GNAT3: variants seen among roughly 807,000 people sequenced by gnomAD.
GNAT3 encodes the protein G protein subunit alpha transducin 3, also known as guanine nucleotide-binding protein G(t) subunit alpha-3.
In GNAT3, 31 loss-of-function variants were observed where a neutral mutation model predicts 37.7. The ratio of observed to expected loss-of-function variants is 0.82; its 90% CI spans 0.62 to 1.11. GNAT3 has a LOEUF of 1.11. GNAT3 is among the 50% of genes most tolerant of loss of function. The pLI, the probability that GNAT3 is intolerant of heterozygous loss-of-function variation, is 0.00. For missense variants in GNAT3, 437 were observed against 412.5 expected, an observed-to-expected ratio of 1.06 and a Z score of -0.51; for synonymous variants, 138 against 139.8, an observed-to-expected ratio of 0.99 and a Z score of 0.09.
intron 1 of GNAT3, among the ~76,000 whole-genome samples, chr7:80,496,951 T>G (rs899533316): frequency 1.3e-5 from 2 of 151,416 alleles, no homozygotes; most frequent in East Asian, 3.9e-4. Flanking sequence ...GAAATAAGAG[T>G]GGTAAAGCTA....
chr7:80,507,956 T>G (rs1363305912), intron 1 of GNAT3, among the ~76,000 whole-genome samples: 2 of 151,880 alleles, frequency 1.3e-5, no homozygotes, highest in Non-Finnish European at 1.5e-5. Context: ...AAAAGCCAGA[T>G]AAGTGGAATA....
At chr7:80,462,041 A>T (rs982896950) in intron 7 of GNAT3, 118 bp downstream of exon 7, 1 of 683,610 alleles carries the variant, frequency 1.5e-6, no homozygotes, top group Non-Finnish European at 2.4e-6. Context: ...GATCATAAAG[A>T]TAACTCAAAA....
intron 2 of GNAT3, among the ~76,000 whole-genome samples, chr7:80,490,583 G>C (rs952589064): frequency 6.6e-6 from 1 of 152,116 alleles, no homozygotes; most frequent in Non-Finnish European, 1.5e-5. Context: ...AAAGGAGAGA[G>C]AATCATTGTA....
intron 7 of GNAT3, 52 bp from the exon 8 acceptor site, chr7:80,458,913 A>G: frequency 1.7e-6 from 2 of 1,199,806 alleles, no homozygotes; most frequent in Non-Finnish European, 2.3e-6. Flanking sequence ...TGTTACAAAG[A>G]ATAGGCTATA....
chr7:80,473,847 T>A (rs921625902), intron 5 of GNAT3, among the ~76,000 whole-genome samples: 1 of 152,204 alleles, frequency 6.6e-6, no homozygotes, highest in Non-Finnish European at 1.5e-5. Context: ...TTTTTAAAAT[T>A]AAGGAAACAG....
chr7:80,492,305 C>T (rs894639523), intron 2 of GNAT3, among the ~76,000 whole-genome samples: 1 of 151,936 alleles, frequency 6.6e-6, no homozygotes, highest in African/African-American at 2.4e-5. Context: ...GATTGTGCCA[C>T]TGCACTCCAG....
At chr7:80,502,412 C>A (rs1157941474) in intron 1 of GNAT3, among the ~76,000 whole-genome samples, 1 of 151,910 alleles carries the variant, frequency 6.6e-6, no homozygotes, top group Non-Finnish European at 1.5e-5. Flanking sequence ...CACTAAAATA[C>A]AAAATTACAT....
rs183422292 is a variant in GNAT3, at chr7:80,498,979, C to T, written c.119-4332G>A. The stretch of plus-strand genomic sequence containing the variant: ...CCCAATATTTATACATGTAACTGAA[C>T]TTCAATTGAACACACACAAGGCTTG... On this transcript the variant is annotated intron_variant, in intron 1 of 7. Coordinates refer to ENST00000398291, the MANE Select transcript of GNAT3 (RefSeq NM_001102386.3). Among the ~76,000 whole-genome samples, 84 of 152,202 alleles carry T rather than the reference C, an allele frequency of 5.5e-4. 1 individual carries two copies. The highest frequency in any genetic ancestry group is 2.0e-3 in the African/African-American group (84 of 41,560).
At chr7:80,464,110 T>G (rs889427043) in intron 5 of GNAT3, among the ~76,000 whole-genome samples, 2 of 151,772 alleles carry the variant, frequency 1.3e-5, no homozygotes, top group African/African-American at 4.8e-5. Context: ...TTGGTGTGTG[T>G]GTTTCAAAAT....
At chr7:80,485,452 T>C (rs1182545897) in intron 3 of GNAT3, among the ~76,000 whole-genome samples, 1 of 152,164 alleles carries the variant, frequency 6.6e-6, no homozygotes, top group Non-Finnish European at 1.5e-5. Flanking sequence ...CCTCATTTAA[T>C]GTTAGTGTTC....
chr7:80,489,796 A>G (rs1790557571), intron 2 of GNAT3, among the ~76,000 whole-genome samples: 1 of 152,162 alleles, frequency 6.6e-6, no homozygotes, highest in Non-Finnish European at 1.5e-5. Flanking sequence ...TGGATAGATC[A>G]AGAATAAGTT....
chr7:80,490,910 A>G (rs1446058958), intron 2 of GNAT3, among the ~76,000 whole-genome samples: 1 of 152,164 alleles, frequency 6.6e-6, no homozygotes, highest in African/African-American at 2.4e-5. Flanking sequence ...GCATTAGTGA[A>G]GCAGGAAGTA....
chr7:80,458,654 GA>G lies in GNAT3; in HGVS notation c.*16del. The G allele has an allele frequency of 7.1e-7, 1 of 1,417,558 alleles. No homozygotes were observed. Among genetic ancestry groups the G allele is most frequent in the Non-Finnish European group, 9.6e-7 (1 of 1,045,904 alleles). The allele number at this position is 1,417,558 out of a possible 1,614,324, so 87.8% of individuals were successfully genotyped here. On this transcript the variant is annotated 3_prime_UTR_variant, in exon 8 of 8. Coordinates refer to ENST00000398291, the MANE Select transcript of GNAT3 (RefSeq NM_001102386.3). ...TGAAAAGCATACATGAGCAAGAGTG[GA>G]AGAGAAAATAGTTGATTAGAAAAGC...
At chr7:80,497,867 G>T (rs1366427911) in intron 1 of GNAT3, among the ~76,000 whole-genome samples, 1 of 151,748 alleles carries the variant, frequency 6.6e-6, no homozygotes. Context: ...TTTAAAAGAT[G>T]ATATAATTTC....
intron 6 of GNAT3, 32 bp from the exon 7 acceptor site, chr7:80,462,344 A>G: frequency 1.2e-6 from 2 of 1,602,756 alleles, no homozygotes; most frequent in Non-Finnish European, 1.7e-6. Context: ...AATGGGTAGG[A>G]TTATTATTTG....
chr7:80,461,716 G>C (rs1479290794), intron 7 of GNAT3, among the ~76,000 whole-genome samples: 1 of 151,948 alleles, frequency 6.6e-6, no homozygotes, highest in African/African-American at 2.4e-5. Flanking sequence ...GGAAAATGAA[G>C]ATGTCATTAT....
At chr7:80,482,001 A>G (rs1161965621) in intron 3 of GNAT3, among the ~76,000 whole-genome samples, 2 of 152,142 alleles carry the variant, frequency 1.3e-5, no homozygotes, top group African/African-American at 4.8e-5. Flanking sequence ...TCTGCCTGTA[A>G]CTTTAATCCC....
At chr7:80,490,722 G>A (rs926018244) in intron 2 of GNAT3, among the ~76,000 whole-genome samples, 2 of 152,110 alleles carry the variant, frequency 1.3e-5, no homozygotes, top group African/African-American at 4.8e-5. Context: ...ATACAATTAT[G>A]ATCTACATTT....
At chr7:80,476,467 C>T (rs144340535) in intron 4 of GNAT3, among the ~76,000 whole-genome samples, 3 of 147,702 alleles carry the variant, frequency 2.0e-5, no homozygotes, top group Non-Finnish European at 4.5e-5. Context: ...ACCATGCAGT[C>T]AACTAAAATG....
Sources: gnomAD v4.1 joint callset for allele counts (sites outside exome capture counted in the v4.1 genomes callset) on GRCh38, gnomAD v4.1.1 for gene constraint, MANE v1.5 for transcripts, NCBI Gene and HGNC (gene_info 2026-07-23, HGNC 2026-07-21) for gene names.